IP6K1: variants seen among roughly 807,000 people sequenced by gnomAD.
IP6K1 encodes the protein ATP:1D-myo-inositol-hexakisphosphate phosphotransferase.
A neutral mutation model predicts 38.3 loss-of-function variants in IP6K1; 13 were observed. The observed-to-expected ratio is 0.34, with a 90% CI of 0.22 to 0.54. The LOEUF (loss-of-function observed/expected upper bound fraction) is 0.54, where lower values mean the gene tolerates loss of function less well. Among genes scored for constraint, IP6K1 ranks in the 20% least tolerant of loss-of-function variants. IP6K1 has a pLI of 0.92. For missense variants in IP6K1, 397 were observed against 599.8 expected, an observed-to-expected ratio of 0.66 and a Z score of 3.53; for synonymous variants, 212 against 229.9, an observed-to-expected ratio of 0.92 and a Z score of 0.70.
chr3:49,753,808 T>C (rs2080799264), intron 1 of IP6K1, among the ~76,000 whole-genome samples: 1 of 152,166 alleles, frequency 6.6e-6, no homozygotes, highest in Non-Finnish European at 1.5e-5. Flanking sequence ...CAAAATATGT[T>C]GGCCACATGA....
Position 49,767,102 on chromosome 3 carries a change from A to AT in IP6K1, c.-128-18935dup, listed in dbSNP as rs997452028. ...CTTAACAAGATCCCATCTCCACAAA[A>AT]TTTTTTTTTTTATTTTTAAAAAATC... On this transcript the variant is annotated intron_variant, in intron 1 of 5. Transcript: ENST00000321599. 4.4e-3 allele frequency among the ~76,000 whole-genome samples: 660 copies of AT among 148,454 alleles called. 2 individuals carry two copies. The highest frequency in any genetic ancestry group is 0.014 in the African/African-American group (578 of 40,702).
At position 49,728,199 on chromosome 3, in the gene IP6K1, A is replaced by G. The variant is rs375536774; in HGVS notation, c.696T>C (p.His232=). ...CCTTCTCAGCTGACGCGTCATCGCCATGCTGCCGCGTGCCCATCTTCAGGT... is the reference window on the plus strand; with the variant it reads ...CCTTCTCAGCTGACGCGTCATCGCCGTGCTGCCGCGTGCCCATCTTCAGGT... ...VLDLKMGTRQ[H]GDDASAEKAA... is the part of the protein sequence containing the mutation. Residue 232 remains histidine, a synonymous_variant, in exon 5 of 6, where the codon CAT becomes CAC. Transcript: ENST00000321599. 1.7e-5 allele frequency: 27 copies of G among 1,613,996 alleles called. No homozygotes were observed. Among genetic ancestry groups the G allele is most frequent in the East Asian group, 6.7e-5 (3 of 44,892 alleles).
intron 1 of IP6K1, among the ~76,000 whole-genome samples, chr3:49,780,206 C>A (rs2081052522): frequency 6.6e-6 from 1 of 151,940 alleles, no homozygotes; most frequent in Admixed American, 6.6e-5. Context: ...AGAGATCCAG[C>A]ACTGAAGTGA....
At chr3:49,773,681 A>C (rs370833270) in intron 1 of IP6K1, among the ~76,000 whole-genome samples, 219 of 152,326 alleles carry the variant, frequency 1.4e-3, no homozygotes, top group Middle Eastern at 6.8e-3. Flanking sequence ...AATAGAGAAG[A>C]AGCTTTTTAA....
intron 1 of IP6K1, among the ~76,000 whole-genome samples, chr3:49,751,435 C>G (rs1019290150): frequency 1.3e-5 from 2 of 152,104 alleles, no homozygotes; most frequent in Non-Finnish European, 2.9e-5. Context: ...GCTGGGATTA[C>G]AGGCATGAGC....
intron 1 of IP6K1, among the ~76,000 whole-genome samples, chr3:49,769,745 C>A (rs2080942117): frequency 6.6e-6 from 1 of 152,120 alleles, no homozygotes; most frequent in African/African-American, 2.4e-5. Flanking sequence ...TGTCTTAGAT[C>A]ATTTCTGTAG....
intron 1 of IP6K1, among the ~76,000 whole-genome samples, chr3:49,756,370 AAT>A (rs2080822655): frequency 6.6e-6 from 1 of 152,224 alleles, no homozygotes; most frequent in African/African-American, 2.4e-5. Flanking sequence ...AAAGATTAGA[AAT>A]ATGTGCTTCC....
chr3:49,773,160 A>G (rs2080973849), intron 1 of IP6K1, among the ~76,000 whole-genome samples: 1 of 152,176 alleles, frequency 6.6e-6, no homozygotes, highest in Non-Finnish European at 1.5e-5. Context: ...AATTCTACCA[A>G]TGAAAAGTAA....
At chr3:49,758,375 G>C (rs943129435) in intron 1 of IP6K1, 1 of 150,308 alleles carries the variant, frequency 6.7e-6, no homozygotes, top group Non-Finnish European at 1.5e-5. Flanking sequence ...CCAGAGTAAG[G>C]AATTATACAA....
At position 49,776,388 on chromosome 3, in the gene IP6K1, A is replaced by G. The variant is rs187554561; in HGVS notation, c.-129+9966T>C. On this transcript the variant is annotated intron_variant, in intron 1 of 5. Coordinates refer to ENST00000321599, the MANE Select transcript of IP6K1 (RefSeq NM_153273.4). ...AAAAATTAGCCAGGCATGGTGGTGC[A>G]TGTCTGTAATCCCAACTATTCGCGA... 2.0e-5 allele frequency among the ~76,000 whole-genome samples: 3 copies of G among 152,098 alleles called. No individual in the cohort carries two copies. The East Asian group carries it at 5.8e-4, about 29-fold the overall frequency.
chr3:49,781,057 C>G (rs902580651), intron 1 of IP6K1, among the ~76,000 whole-genome samples: 2 of 139,526 alleles, frequency 1.4e-5, no homozygotes, highest in African/African-American at 5.6e-5. Context: ...CCAGAGGAAA[C>G]AAAAAAGATT....
chr3:49,752,543 G>A (rs2080787609), intron 1 of IP6K1, among the ~76,000 whole-genome samples: 1 of 151,610 alleles, frequency 6.6e-6, no homozygotes, highest in Admixed American at 6.6e-5. Context: ...GTGTGTGTGT[G>A]TGAGTTTCGC....
At chr3:49,775,855 G>A (rs760829911) in intron 1 of IP6K1, among the ~76,000 whole-genome samples, 1 of 151,894 alleles carries the variant, frequency 6.6e-6, no homozygotes, top group Non-Finnish European at 1.5e-5. Flanking sequence ...TTAGTTAATG[G>A]TTTTTCTTGA....
At position 49,727,279 on chromosome 3, in the gene IP6K1, T is replaced by C. The variant is rs1403042854; in HGVS notation, c.1169A>G (p.Gln390Arg). 6.2e-7 allele frequency: 1 copy of C among 1,614,154 alleles called. No individual in the cohort carries two copies. Among genetic ancestry groups the C allele is most frequent in the South Asian group, 1.1e-5 (1 of 91,080 alleles). Residue 390 changes from glutamine (Q) to arginine (R), a missense_variant, in exon 6 of 6, where the codon CAG (glutamine) becomes CGG (arginine). Coordinates refer to ENST00000321599, the MANE Select transcript of IP6K1 (RefSeq NM_153273.4). This position sits in a 1 kb window ranked among gnomAD's most constrained non-coding sequence, Gnocchi z 5.9. ...AATCATGCGGACATCCACCTTGGGCTGAGAGGAGGGACCCGCCTCGGGGCT... is the reference window on the plus strand; with the variant it reads ...AATCATGCGGACATCCACCTTGGGCCGAGAGGAGGGACCCGCCTCGGGGCT... ...NTSPEAGPSS[Q>R]PKVDVRMIDF...
chr3:49,727,715 C>T lies in IP6K1; in HGVS notation c.793-60G>A. 1 of 1,536,118 alleles carries T rather than the reference C, an allele frequency of 6.5e-7. No homozygotes were observed. Among genetic ancestry groups the T allele is most frequent in the Non-Finnish European group, 8.9e-7 (1 of 1,127,610 alleles). ...GGGAAGTCTGAAGAGCTCACAGTGC[C>T]CTGGGCAAACACTGTCTGGAAGGGA... On this transcript the variant is annotated intron_variant, in intron 5 of 5. Transcript: ENST00000321599. This position sits in a 1 kb window ranked among gnomAD's most constrained non-coding sequence, Gnocchi z 5.9.
chr3:49,771,260 G>C (rs1039616470), intron 1 of IP6K1, among the ~76,000 whole-genome samples: 6 of 149,880 alleles, frequency 4.0e-5, no homozygotes, highest in Admixed American at 6.7e-5. Context: ...CTACTTGAGA[G>C]GATGAGGCAG....
intron 2 of IP6K1, among the ~76,000 whole-genome samples, chr3:49,745,872 A>T (rs2080717083): frequency 6.6e-6 from 1 of 151,282 alleles, no homozygotes; most frequent in African/African-American, 2.4e-5. Context: ...AAAAAAAAAA[A>T]GACAGAAACA....
chr3:49,775,486 C>T (rs780950762), intron 1 of IP6K1: 10 of 648,980 alleles, frequency 1.5e-5, no homozygotes, highest in Non-Finnish European at 2.3e-5. Flanking sequence ...GTCTCTGGTG[C>T]CTATTACTGT....
rs573472422 is a variant in IP6K1 at position 49,766,048 on chromosome 3, C to T, written c.-128-17880G>A. On this transcript the variant is annotated intron_variant, in intron 1 of 5. Coordinates refer to ENST00000321599, the MANE Select transcript of IP6K1 (RefSeq NM_153273.4). ...AAAATTAGCCAGGTGTGGTGGCGGG[C>T]GCCTGTAGTCCCAGCTACTTGGAAG... Among the ~76,000 whole-genome samples the T allele has an allele frequency of 8.6e-5, 13 of 151,798 alleles. No individual in the cohort carries two copies. The South Asian group carries it at 2.1e-3, about 24-fold the overall frequency.
Sources: allele counts gnomAD v4.1 joint callset (sites outside exome capture counted in the v4.1 genomes callset), GRCh38; gene constraint gnomAD v4.1.1; non-coding constraint Gnocchi (gnomAD v3.1); transcripts MANE v1.5; gene names NCBI Gene and HGNC (gene_info 2026-07-23, HGNC 2026-07-21).